Variants in CDH13 observed in about 807,000 individuals in gnomAD.
CDH13 encodes the protein cadherin-13.
In CDH13, 24 loss-of-function variants were observed where a neutral mutation model predicts 63.8. That is an observed-to-expected ratio of 0.38 (90% confidence interval 0.27 to 0.53). The LOEUF (loss-of-function observed/expected upper bound fraction) is 0.53, where lower values mean the gene tolerates loss of function less well. Ranked by LOEUF, CDH13 falls within the 20% of genes least tolerant of loss-of-function variation. The pLI is 0.85. For synonymous variants in CDH13, 503 were observed against 355.3 expected, an observed-to-expected ratio of 1.42 and a Z score of -4.67; for missense variants, 1,049 against 903.1, an observed-to-expected ratio of 1.16 and a Z score of -2.07.
chr16:83,445,942 TA>T (rs2072674646), intron 6 of CDH13, among the ~76,000 whole-genome samples: 1 of 152,122 alleles, frequency 6.6e-6, no homozygotes, highest in Non-Finnish European at 1.5e-5. Flanking sequence ...AAAAGGCAAC[TA>T]AAAGATTTCT....
intron 7 of CDH13, among the ~76,000 whole-genome samples, chr16:83,583,774 G>A (rs1176037425): frequency 6.6e-6 from 1 of 151,756 alleles, no homozygotes; most frequent in South Asian, 2.1e-4. Context: ...AAAAAAAGCC[G>A]GGCATGGTGG....
intron 7 of CDH13, among the ~76,000 whole-genome samples, chr16:83,596,420 G>T (rs1907261676): frequency 7.5e-6 from 1 of 133,182 alleles, no homozygotes; most frequent in Non-Finnish European, 1.5e-5. Context: ...GAATTAGGGA[G>T]TTACCTGTGA....
At chr16:83,092,739 A>G (rs1443388386) in intron 3 of CDH13, among the ~76,000 whole-genome samples, 1 of 152,186 alleles carries the variant, frequency 6.6e-6, no homozygotes, top group East Asian at 1.9e-4. Flanking sequence ...AAATACACCT[A>G]TTATTACCCC....
At chr16:83,269,411 A>G (rs1450475899) in intron 5 of CDH13, among the ~76,000 whole-genome samples, 1 of 152,088 alleles carries the variant, frequency 6.6e-6, no homozygotes, top group Non-Finnish European at 1.5e-5. Flanking sequence ...AATATTGATT[A>G]TCTAAACTAT....
chr16:82,838,761 T>C (rs1163498755), intron 1 of CDH13, among the ~76,000 whole-genome samples: 9 of 152,312 alleles, frequency 5.9e-5, no homozygotes, highest in African/African-American at 2.2e-4. Context: ...CATTCTGTGA[T>C]TGATGTCATA....
chr16:83,643,283 T>TAAA lies in CDH13; in HGVS notation c.1102-27491_1102-27489dup, dbSNP rs1195185794. ...ATGTACCCTATAACTTAGAGTATAA[T>TAAA]AAAAAAAAAAAAAAAAAAGAAAAAA... On this transcript the variant is annotated intron_variant, in intron 8 of 13. Transcript: ENST00000567109. Among the ~76,000 whole-genome samples, 250 of 93,830 alleles carry TAAA rather than the reference T, an allele frequency of 2.7e-3. 7 individuals carry two copies. Among genetic ancestry groups the TAAA allele is most frequent in the Non-Finnish European group, 3.3e-3 (160 of 48,980 alleles). 61.6% of individuals were successfully genotyped at this position (93,830 alleles called of 152,430 possible).
intron 2 of CDH13, among the ~76,000 whole-genome samples, chr16:82,913,929 T>A (rs1388431320): frequency 6.6e-6 from 1 of 152,082 alleles, no homozygotes; most frequent in Non-Finnish European, 1.5e-5. Flanking sequence ...CTTAGGGTTA[T>A]TTTACTGAGA....
intron 5 of CDH13, among the ~76,000 whole-genome samples, chr16:83,334,345 T>TCC: frequency 4.1e-5 from 1 of 24,634 alleles, no homozygotes; most frequent in South Asian, 1.5e-3. Flanking sequence ...TTTCTCCCTC[T>TCC]CTCTCTCTCT....
intron 2 of CDH13, among the ~76,000 whole-genome samples, chr16:83,023,508 G>C (rs751009682): frequency 5.9e-5 from 9 of 152,140 alleles, no homozygotes; most frequent in Non-Finnish European, 1.0e-4. Flanking sequence ...TCCCCTTTCA[G>C]ATAGAGGTTT....
chr16:83,720,110 C>T (rs1239094302), intron 10 of CDH13, among the ~76,000 whole-genome samples: 1 of 152,092 alleles, frequency 6.6e-6, no homozygotes, highest in Non-Finnish European at 1.5e-5. Context: ...TTGCTGCTGC[C>T]GAATTTGGGA....
intron 8 of CDH13, among the ~76,000 whole-genome samples, chr16:83,613,429 A>T (rs560912480): frequency 6.6e-6 from 1 of 152,334 alleles, no homozygotes; most frequent in Non-Finnish European, 1.5e-5. Context: ...ACAAACATAC[A>T]TATACACACA....
chr16:83,611,938 T>A (rs1237645237), intron 8 of CDH13, among the ~76,000 whole-genome samples: 1 of 152,128 alleles, frequency 6.6e-6, no homozygotes, highest in Non-Finnish European at 1.5e-5. Context: ...AGCTCACATG[T>A]AATCAATTTT....
chr16:83,594,733 C>T (rs1907096046), intron 7 of CDH13, among the ~76,000 whole-genome samples: 1 of 152,154 alleles, frequency 6.6e-6, no homozygotes, highest in Non-Finnish European at 1.5e-5. Flanking sequence ...ATTTTCCCCC[C>T]ACAGCTACCA....
chr16:82,983,562 G>T (rs1463354756), intron 2 of CDH13, among the ~76,000 whole-genome samples: 3 of 152,166 alleles, frequency 2.0e-5, no homozygotes, highest in African/African-American at 7.2e-5. Context: ...GCACCAAGAA[G>T]AGAATGTGGG....
At chr16:83,619,426 G>A (rs1909599797) in intron 8 of CDH13, among the ~76,000 whole-genome samples, 1 of 152,230 alleles carries the variant, frequency 6.6e-6, no homozygotes, top group South Asian at 2.1e-4. Flanking sequence ...TTCCTGGGCT[G>A]CCATAACAAG....
chr16:83,515,806 A>T (rs369658916), intron 7 of CDH13, among the ~76,000 whole-genome samples: 1 of 152,228 alleles, frequency 6.6e-6, no homozygotes, highest in African/African-American at 2.4e-5. Context: ...TAGAAATAAA[A>T]TTAATAAGTT....
intron 6 of CDH13, among the ~76,000 whole-genome samples, chr16:83,478,385 C>A (rs76698927): frequency 0.18 from 27,926 of 152,010 alleles, 2,650 homozygotes; most frequent in Middle Eastern, 0.27. Context: ...GGCCCAGCTC[C>A]CAGTCTGACC....
At chr16:83,415,022 A>C (rs1261397386) in intron 6 of CDH13, among the ~76,000 whole-genome samples, 1 of 152,132 alleles carries the variant, frequency 6.6e-6, no homozygotes, top group Non-Finnish European at 1.5e-5. Flanking sequence ...ACCCTTAGCT[A>C]GACTAAGGGG....
chr16:83,601,716 C>G (rs551496532), intron 7 of CDH13, among the ~76,000 whole-genome samples: 1 of 152,274 alleles, frequency 6.6e-6, no homozygotes, highest in East Asian at 1.9e-4. Context: ...CCATCTTTGT[C>G]CTAAGCTCAT....
Sources: allele counts gnomAD v4.1 joint callset (sites outside exome capture counted in the v4.1 genomes callset), GRCh38; gene constraint gnomAD v4.1.1; transcripts MANE v1.5; gene names NCBI Gene and HGNC (gene_info 2026-07-23, HGNC 2026-07-21).